The following ARHGAP15 variants were observed in gnomAD, a reference collection of about 807,000 sequenced individuals.
ARHGAP15 encodes the protein rho GTPase-activating protein 15.
ARHGAP15 carries 51 observed loss-of-function variants against 63.7 expected under a neutral mutation model. The observed-to-expected ratio is 0.80, with a 90% CI of 0.64 to 1.01. ARHGAP15 has a LOEUF of 1.01. ARHGAP15 is among the 50% of genes least tolerant of loss of function. The pLI, the probability that ARHGAP15 is intolerant of heterozygous loss-of-function variation, is 0.00. For missense variants in ARHGAP15, 560 were observed against 564.6 expected (o/e 0.99, Z 0.08); for synonymous variants, 191 against 193.8 (o/e 0.99, Z 0.12).
intron 6 of ARHGAP15, among the ~76,000 whole-genome samples, chr2:143,360,816 A>T (rs1686017143): frequency 6.6e-6 from 1 of 152,224 alleles, no homozygotes; most frequent in South Asian, 2.1e-4. Flanking sequence ...TTAATTATCA[A>T]ATAAGAGATT....
chr2:143,710,161 CT>C (rs35982191), intron 13 of ARHGAP15, among the ~76,000 whole-genome samples: 42,711 of 136,682 alleles, frequency 0.31, 7,403 homozygotes, highest in Admixed American at 0.44. Context: ...TCTCTCTTTT[CT>C]TTTTTTTTCT....
At chr2:143,456,621 A>AT (rs5834948) in intron 8 of ARHGAP15, among the ~76,000 whole-genome samples, 150,378 of 152,132 alleles carry the variant, frequency 0.99, 74,350 homozygotes, top group Middle Eastern at 1. Flanking sequence ...TCTTCAAGAC[A>AT]GTTATATGTT....
At chr2:143,762,417 G>A (rs1293984215) in intron 13 of ARHGAP15, among the ~76,000 whole-genome samples, 1 of 152,108 alleles carries the variant, frequency 6.6e-6, no homozygotes, top group Admixed American at 6.6e-5. Flanking sequence ...TTACAACACA[G>A]TTAAGGAATT....
intron 9 of ARHGAP15, among the ~76,000 whole-genome samples, chr2:143,488,071 T>C (rs1692407318): frequency 6.6e-6 from 1 of 152,158 alleles, no homozygotes; most frequent in South Asian, 2.1e-4. Context: ...GCAGAATAGA[T>C]GATTGTAAGA....
intron 6 of ARHGAP15, among the ~76,000 whole-genome samples, chr2:143,340,492 A>T (rs1218361678): frequency 6.7e-6 from 1 of 150,268 alleles, no homozygotes; most frequent in Non-Finnish European, 1.5e-5. Flanking sequence ...ATTATAGCTG[A>T]TTTTATCCTA....
intron 2 of ARHGAP15, among the ~76,000 whole-genome samples, chr2:143,176,512 A>G (rs1237164512): frequency 2.6e-5 from 4 of 152,122 alleles, no homozygotes; most frequent in African/African-American, 9.7e-5. Context: ...CAGAGGATGT[A>G]TCTTCTTTCT....
intron 13 of ARHGAP15, among the ~76,000 whole-genome samples, chr2:143,705,905 A>T (rs1390073136): frequency 2.0e-5 from 3 of 152,194 alleles, no homozygotes; most frequent in African/African-American, 4.8e-5. Context: ...TTAATGCCTG[A>T]TCCTGTTTTT....
intron 13 of ARHGAP15, among the ~76,000 whole-genome samples, chr2:143,724,251 A>G (rs530967132): frequency 5.3e-5 from 8 of 152,320 alleles, no homozygotes; most frequent in African/African-American, 1.9e-4. Flanking sequence ...TCCTAGGTTT[A>G]TGACTCTAAC....
chr2:143,501,982 T>A (rs1286355701), intron 9 of ARHGAP15, among the ~76,000 whole-genome samples: 1 of 152,098 alleles, frequency 6.6e-6, no homozygotes, highest in Non-Finnish European at 1.5e-5. Flanking sequence ...CCGGGCAGGA[T>A]GTGAATAGTG....
rs555232830 is a variant in ARHGAP15 at position 143,629,128 on chromosome 2, A to G, written c.1138+4861A>G. Among the ~76,000 whole-genome samples the G allele has an allele frequency of 2.6e-5, 4 of 152,218 alleles. No homozygotes were observed. In the South Asian group the frequency reaches 8.3e-4, roughly 32 times the overall value. The stretch of plus-strand genomic sequence containing the variant: ...TTATTATATGTTTGAAAGTTATCAC[A>G]TAGTCCAAGAAGAGTGAACAGAAGG... On this transcript the variant is annotated intron_variant, in intron 12 of 13. Coordinates refer to ENST00000295095, the MANE Select transcript of ARHGAP15 (RefSeq NM_018460.4).
chr2:143,594,169 A>G (rs1697423438), intron 11 of ARHGAP15, among the ~76,000 whole-genome samples: 1 of 152,192 alleles, frequency 6.6e-6, no homozygotes, highest in African/African-American at 2.4e-5. Flanking sequence ...GTCAGGTAGC[A>G]AATATCTTCT....
intron 12 of ARHGAP15, among the ~76,000 whole-genome samples, chr2:143,683,218 A>G (rs1683185596): frequency 6.6e-6 from 1 of 152,162 alleles, no homozygotes; most frequent in Non-Finnish European, 1.5e-5. Flanking sequence ...AGTCGATCCT[A>G]TTATTCATTT....
chr2:143,644,806 T>G (rs1038872406), intron 12 of ARHGAP15, among the ~76,000 whole-genome samples: 1 of 152,146 alleles, frequency 6.6e-6, no homozygotes, highest in Admixed American at 6.6e-5. Flanking sequence ...TAAGCCATTT[T>G]AGTTCTAGTC....
chr2:143,551,678 T>C (rs1695569632), intron 10 of ARHGAP15, among the ~76,000 whole-genome samples: 1 of 152,294 alleles, frequency 6.6e-6, no homozygotes, highest in Non-Finnish European at 1.5e-5. Context: ...AAATCAAAAT[T>C]GTGCCAGCTA....
At chr2:143,351,649 T>G (rs905436800) in intron 6 of ARHGAP15, among the ~76,000 whole-genome samples, 1 of 152,140 alleles carries the variant, frequency 6.6e-6, no homozygotes, top group African/African-American at 2.4e-5. Flanking sequence ...AATTTGGGCA[T>G]CTGTAATTAT....
intron 13 of ARHGAP15, among the ~76,000 whole-genome samples, chr2:143,752,965 C>A (rs1686436132): frequency 6.6e-6 from 1 of 152,072 alleles, no homozygotes; most frequent in African/African-American, 2.4e-5. Context: ...AGTGAGACCC[C>A]ATCTCTACAA....
intron 10 of ARHGAP15, among the ~76,000 whole-genome samples, chr2:143,522,682 C>G (rs967444721): frequency 6.6e-6 from 1 of 152,094 alleles, no homozygotes; most frequent in African/African-American, 2.4e-5. Flanking sequence ...TACACTAACG[C>G]TAACAATAGC....
intron 11 of ARHGAP15, among the ~76,000 whole-genome samples, chr2:143,565,408 C>T (rs567777085): frequency 1.1e-3 from 173 of 152,160 alleles, no homozygotes; most frequent in Admixed American, 2.6e-3. Flanking sequence ...TTTGAATCTC[C>T]AGCATGGCAA....
At chr2:143,656,904 C>T (rs1367494000) in intron 12 of ARHGAP15, among the ~76,000 whole-genome samples, 1 of 144,722 alleles carries the variant, frequency 6.9e-6, no homozygotes, top group Non-Finnish European at 1.5e-5. Context: ...TTTGGACAGA[C>T]ATGGACAAGG....
Sources: gnomAD v4.1 joint callset for allele counts (sites outside exome capture counted in the v4.1 genomes callset) on GRCh38, gnomAD v4.1.1 for gene constraint, MANE v1.5 for transcripts, NCBI Gene and HGNC (gene_info 2026-07-23, HGNC 2026-07-21) for gene names.